The following MPPED2 variants were observed in gnomAD, a reference collection of about 807,000 sequenced individuals.
MPPED2 encodes metallophosphoesterase domain containing 2.
A neutral mutation model predicts 33.0 loss-of-function variants in MPPED2; 5 were observed. The observed-to-expected ratio is 0.15, with a 90% CI of 0.08 to 0.32. MPPED2 has a LOEUF of 0.32. MPPED2 is among the 10% of genes least tolerant of loss of function. The pLI is 1.00. For missense variants in MPPED2, 275 were observed against 372.1 expected, an observed-to-expected ratio of 0.74 and a Z score of 2.15; for synonymous variants, 136 against 141.9, an observed-to-expected ratio of 0.96 and a Z score of 0.29.
At chr11:30,574,125 T>C (rs1258458756) in intron 2 of MPPED2, among the ~76,000 whole-genome samples, 1 of 152,204 alleles carries the variant, frequency 6.6e-6, no homozygotes, top group East Asian at 1.9e-4. Flanking sequence ...TTTAGTAATG[T>C]CCTAGGCCTT....
In MPPED2 at chr11:30,411,603, T is replaced by TTATATATATA; in HGVS notation, c.767-18_767-17insTATATATATA. 1 of 1,606,528 alleles carries TTATATATATA rather than the reference T, an allele frequency of 6.2e-7. No individual in the cohort carries two copies. The highest frequency in any genetic ancestry group is 1.1e-5 in the South Asian group (1 of 89,944). Reference sequence around the variant, plus strand: ...TGCCATAACCTGTGGGGAGAGCGTGTCACATTTACTGTAATATATACAAAT... The same window carrying TTATATATATA: ...TGCCATAACCTGTGGGGAGAGCGTGTTATATATATACACATTTACTGTAATATATACAAAT... On this transcript the variant is annotated splice_polypyrimidine_tract_variant and intron_variant, in intron 6 of 6. Transcript: ENST00000358117.
rs1342230044 is a variant in MPPED2, at chr11:30,468,799, A to C, written c.536+26497T>G. The C allele has an allele frequency of 2.6e-5, 4 of 152,316 alleles. No homozygotes were observed. The East Asian group carries it at 7.7e-4, about 29-fold the overall frequency. The allele number at this position is 152,316 out of a possible 1,614,324, so 9.4% of individuals were successfully genotyped here. ...AACACTGGTCCCAATCATAAACCTG[A>C]AAATAGGAGGCATTTATGCTCTGAT... On this transcript the variant is annotated intron_variant, in intron 4 of 6. Coordinates refer to ENST00000358117, the MANE Select transcript of MPPED2 (RefSeq NM_001584.3).
At chr11:30,580,084 T>A (rs1170062358) in intron 2 of MPPED2, among the ~76,000 whole-genome samples, 162 bp downstream of exon 2, 1 of 152,242 alleles carries the variant, frequency 6.6e-6, no homozygotes, top group African/African-American at 2.4e-5. Flanking sequence ...CACAGATGTA[T>A]GGGATTCCTC....
chr11:30,476,718 G>T (rs144047565), intron 4 of MPPED2, among the ~76,000 whole-genome samples: 1 of 151,754 alleles, frequency 6.6e-6, no homozygotes, highest in Non-Finnish European at 1.5e-5. Flanking sequence ...TTGACTATTC[G>T]AAATCTTTTT....
At chr11:30,547,491 C>G (rs1955485820) in intron 2 of MPPED2, among the ~76,000 whole-genome samples, 4 of 152,138 alleles carry the variant, frequency 2.6e-5, no homozygotes, top group Non-Finnish European at 5.9e-5. Context: ...ATTCTGAATT[C>G]TCCAAACTTC....
At chr11:30,481,305 C>T (rs1418164394) in intron 4 of MPPED2, among the ~76,000 whole-genome samples, 1 of 152,100 alleles carries the variant, frequency 6.6e-6, no homozygotes, top group African/African-American at 2.4e-5. Context: ...TTTTCCTCCT[C>T]CTGAAACATC....
At position 30,415,600 on chromosome 11, in the gene MPPED2, C is replaced by T. The variant is rs113566096; in HGVS notation, c.653-1259G>A. Among the ~76,000 whole-genome samples, 626 of 152,244 alleles carry T rather than the reference C, an allele frequency of 4.1e-3. 6 individuals carry two copies. The highest frequency in any genetic ancestry group is 0.015 in the African/African-American group (605 of 41,536). On this transcript the variant is annotated intron_variant, in intron 5 of 6. Coordinates refer to ENST00000358117, the MANE Select transcript of MPPED2 (RefSeq NM_001584.3). ...CTATATTAACTAAGGTTTAACAATA[C>T]CTTAGGAAGACTTTGCCTGACCTTT...
intron 4 of MPPED2, among the ~76,000 whole-genome samples, chr11:30,472,314 T>A (rs1157493156): frequency 6.6e-6 from 1 of 152,086 alleles, no homozygotes; most frequent in Non-Finnish European, 1.5e-5. Context: ...TGAGCCGTGG[T>A]GGTGCCATAG....
chr11:30,466,415 G>A (rs1950708469), intron 4 of MPPED2, among the ~76,000 whole-genome samples: 1 of 152,238 alleles, frequency 6.6e-6, no homozygotes, highest in Non-Finnish European at 1.5e-5. Context: ...TGGGGCTGGA[G>A]TGATGAAAGG....
intron 4 of MPPED2, among the ~76,000 whole-genome samples, chr11:30,466,447 G>A (rs1950709761): frequency 6.6e-6 from 1 of 152,220 alleles, no homozygotes; most frequent in South Asian, 2.1e-4. Flanking sequence ...CTCAGCTGGA[G>A]GCCAGGAGCA....
chr11:30,442,358 A>G (rs1481053787), intron 4 of MPPED2, among the ~76,000 whole-genome samples: 1 of 152,228 alleles, frequency 6.6e-6, no homozygotes, highest in African/African-American at 2.4e-5. Flanking sequence ...AAGAGTCTAC[A>G]AAAAGCAATA....
intron 3 of MPPED2, among the ~76,000 whole-genome samples, chr11:30,511,151 A>G (rs1953160111): frequency 6.6e-6 from 1 of 152,164 alleles, no homozygotes; most frequent in African/African-American, 2.4e-5. Flanking sequence ...TGACTCTCTC[A>G]AAAGTCAGGA....
chr11:30,446,924 G>A (rs1417124801), intron 4 of MPPED2, among the ~76,000 whole-genome samples: 2 of 152,128 alleles, frequency 1.3e-5, no homozygotes, highest in African/African-American at 4.8e-5. Flanking sequence ...CTTTTGTAAT[G>A]GTTTTGCATT....
chr11:30,579,221 A>T (rs902140962), intron 2 of MPPED2, among the ~76,000 whole-genome samples: 4 of 150,690 alleles, frequency 2.7e-5, no homozygotes, highest in Non-Finnish European at 5.9e-5. Flanking sequence ...GTGTCCTACT[A>T]TTTTTTTTTA....
chr11:30,411,003 T>TATA lies in MPPED2; in HGVS notation c.*464_*465insTAT. 3 of 985,730 alleles carry TATA rather than the reference T, an allele frequency of 3.0e-6. No homozygotes were observed. The highest frequency in any genetic ancestry group is 3.6e-6 in the Non-Finnish European group (3 of 829,930). 61.1% of individuals were successfully genotyped at this position (985,730 alleles called of 1,614,324 possible). A position where few individuals can be genotyped will look rare whatever the true frequency, so the allele number is the denominator to read the frequency against. On this transcript the variant is annotated 3_prime_UTR_variant, in exon 7 of 7. Transcript: ENST00000358117. ...GATTGCTATAAATTGGGACCACATC[T>TATA]GCAAAAAAGAAGCATTACCAAGAAA... is the stretch of plus-strand genomic sequence containing the variant.
chr11:30,518,786 AG>A lies in MPPED2; in HGVS notation c.310+17207del, dbSNP rs749898563. ...GTATGCACAGGACTGTGAAGATAGA[AG>A]TCCTTCCTGCCTTCCCACCACCCTT... On this transcript the variant is annotated intron_variant, in intron 3 of 6. Coordinates refer to ENST00000358117, the MANE Select transcript of MPPED2 (RefSeq NM_001584.3). Among the ~76,000 whole-genome samples the A allele has an allele frequency of 3.2e-4, 48 of 152,322 alleles. 1 individual carries two copies. Among genetic ancestry groups the A allele is most frequent in the South Asian group, 1.2e-3 (6 of 4,826 alleles).
chr11:30,490,742 T>C (rs190049700), intron 4 of MPPED2, among the ~76,000 whole-genome samples: 1 of 152,298 alleles, frequency 6.6e-6, no homozygotes, highest in Non-Finnish European at 1.5e-5. Flanking sequence ...AACTGTAAAT[T>C]AGAAAACACT....
intron 4 of MPPED2, among the ~76,000 whole-genome samples, chr11:30,483,008 G>C (rs1187751207): frequency 6.6e-6 from 1 of 152,102 alleles, no homozygotes; most frequent in Non-Finnish European, 1.5e-5. Context: ...GGCACATACA[G>C]TGTGAATGTA....
Position 30,580,476 on chromosome 11 carries a change from T to C in MPPED2, c.-103A>G, listed in dbSNP as rs1957114609. ...ACCTCTGAATCCAAGGATCTACTCA[T>C]CAATACCGCTGTGCATTTCTGAAAG... is the stretch of plus-strand genomic sequence containing the variant. On this transcript the variant is annotated 5_prime_UTR_variant, in exon 2 of 7. It removes an upstream start codon present in the reference 5' UTR. Coordinates refer to ENST00000358117, the MANE Select transcript of MPPED2 (RefSeq NM_001584.3). 4.0e-6 allele frequency: 6 copies of C among 1,509,282 alleles called. No individual in the cohort carries two copies. Among genetic ancestry groups the C allele is most frequent in the East Asian group, 2.3e-5 (1 of 43,282 alleles). The allele number at this position is 1,509,282 out of a possible 1,614,324, so 93.5% of individuals were successfully genotyped here.
Sources: allele counts gnomAD v4.1 joint callset (sites outside exome capture counted in the v4.1 genomes callset), GRCh38; gene constraint gnomAD v4.1.1; transcripts MANE v1.5; gene names NCBI Gene and HGNC (gene_info 2026-07-23, HGNC 2026-07-21).